Variants in CIT observed in about 807,000 individuals in gnomAD.
The protein encoded by CIT is citron Rho-interacting kinase.
In CIT, 79 loss-of-function variants were observed where a neutral mutation model predicts 272.7. That is an observed-to-expected ratio of 0.29 (90% CI 0.24 to 0.35). The LOEUF is 0.35. Among genes scored for constraint, CIT ranks in the 10% least tolerant of loss-of-function variants. CIT has a pLI of 1.00. For missense variants in CIT, 1,909 were observed against 2,618.3 expected, an observed-to-expected ratio of 0.73 and a Z score of 5.91; for synonymous variants, 948 against 995.6, an observed-to-expected ratio of 0.95 and a Z score of 0.90.
At chr12:119,827,993 C>T (rs1968308563) in intron 7 of CIT, among the ~76,000 whole-genome samples, 1 of 152,118 alleles carries the variant, frequency 6.6e-6, no homozygotes, top group African/African-American at 2.4e-5. Context: ...TGTTCACAAC[C>T]AAAGAGTTGC....
intron 2 of CIT, among the ~76,000 whole-genome samples, chr12:119,869,582 C>A (rs951358473): frequency 2.6e-5 from 4 of 152,128 alleles, no homozygotes; most frequent in Non-Finnish European, 4.4e-5. Flanking sequence ...TTCATGTGTG[C>A]CCAGGGGTTT....
At position 119,721,359 on chromosome 12, in the gene CIT, G is replaced by T. The variant is rs748973501; in HGVS notation, c.3682C>A (p.Leu1228Ile). The T allele has an allele frequency of 6.2e-7, 1 of 1,611,594 alleles. No individual in the cohort carries two copies. The highest frequency in any genetic ancestry group is 8.5e-7 in the Non-Finnish European group (1 of 1,177,912). ...GLQEALDRADLLKTERSDLEY... is the reference protein window; with the variant it reads ...GLQEALDRADILKTERSDLEY... ...AAGTCACTTCTTTCTGTCTTCAGTA[G>T]ATCAGCCCGATCTAGAGCTTCTTGC... The change falls in exon 29 of 48, where the codon CTA becomes ATA. Residue 1228 changes from leucine (L) to isoleucine (I), a missense_variant. Leu to Ile is a conservative substitution (Grantham distance 5). This residue lies in a region of CIT where 530 missense variants were observed against 822.4 expected (regional missense o/e 0.64). Transcript: ENST00000392521.
At chr12:119,750,096 T>A (rs948294957) in intron 23 of CIT, among the ~76,000 whole-genome samples, 3 of 152,254 alleles carry the variant, frequency 2.0e-5, no homozygotes, top group Non-Finnish European at 4.4e-5. Flanking sequence ...AAGGGCTTAT[T>A]AAATATGGAT....
intron 9 of CIT, among the ~76,000 whole-genome samples, chr12:119,815,388 G>A (rs996428930): frequency 1.3e-5 from 2 of 152,034 alleles, no homozygotes; most frequent in African/African-American, 2.4e-5. Flanking sequence ...TTTCAATGAT[G>A]CGGGAAAATA....
intron 19 of CIT, 144 bp from the exon 20 acceptor site, chr12:119,761,199 G>A: frequency 8.6e-6 from 6 of 701,692 alleles, no homozygotes; most frequent in African/African-American, 3.6e-5. Context: ...CAAAGAGAAG[G>A]CAAAAACTGG....
At chr12:119,704,582 G>A in intron 40 of CIT, 127 bp from the exon 41 acceptor site, 3 of 804,306 alleles carry the variant, frequency 3.7e-6, no homozygotes, top group Non-Finnish European at 4.0e-6. Flanking sequence ...TGTGGTGGGG[G>A]GAGGGCTGTC....
At position 119,839,918 on chromosome 12, in the gene CIT, G is replaced by T. The variant is rs532702744; in HGVS notation, c.517-5690C>A. On this transcript the variant is annotated intron_variant, in intron 5 of 47. Transcript: ENST00000392521. ...TACACTATTACTGAAGGGACAAAAG[G>T]AAGAAGCTATAACCAGAAACTAACT... Among the ~76,000 whole-genome samples, 4 of 152,298 alleles carry T rather than the reference G, an allele frequency of 2.6e-5. No individual in the cohort carries two copies. In the East Asian group the frequency reaches 7.7e-4, roughly 29 times the overall value.
rs1164568288 is a variant in CIT at position 119,712,982 on chromosome 12, G to A, written c.4579+221C>T. The A allele has an allele frequency of 8.4e-6, 5 of 595,046 alleles. No homozygotes were observed. The highest frequency in any genetic ancestry group is 9.1e-4 in the Middle Eastern group (2 of 2,206). The allele number at this position is 595,046 out of a possible 1,614,324, so 36.9% of individuals were successfully genotyped here. ...TTCTCGGAAGGTGTATTAGCAGGTG[G>A]AATCTTCAGGGCAGCGCCCTGCGGG... On this transcript the variant is annotated intron_variant, in intron 35 of 47. Coordinates refer to ENST00000392521, the MANE Select transcript of CIT (RefSeq NM_001206999.2). This position sits in a 1 kb window ranked among gnomAD's most constrained non-coding sequence, Gnocchi z 5.2.
intron 3 of CIT, among the ~76,000 whole-genome samples, chr12:119,860,628 T>C (rs910763079): frequency 2.6e-5 from 4 of 152,092 alleles, no homozygotes; most frequent in South Asian, 4.1e-4. Flanking sequence ...ACTTAATAAC[T>C]CTGGGCCTGT....
At chr12:119,840,963 T>C (rs1229107095) in intron 5 of CIT, among the ~76,000 whole-genome samples, 2 of 152,152 alleles carry the variant, frequency 1.3e-5, no homozygotes, top group Non-Finnish European at 2.9e-5. Flanking sequence ...AAATTGTTCC[T>C]ATATAGGAAA....
intron 22 of CIT, among the ~76,000 whole-genome samples, chr12:119,755,827 CCTT>C (rs1435138379): frequency 9.2e-5 from 14 of 152,216 alleles, no homozygotes; most frequent in Non-Finnish European, 1.9e-4. Context: ...TTCCCAGCCT[CCTT>C]ATGTTTTTGA....
chr12:119,876,180 C>A lies in CIT; in HGVS notation c.-12G>T, dbSNP rs747372703. ...TTGAACTTCAACATCTCCCCACTGG[C>A]GCTGAAAGGATATCAGAAAAGTCAA... On this transcript the variant is annotated splice_region_variant and 5_prime_UTR_variant, in exon 2 of 48. Coordinates refer to ENST00000392521, the MANE Select transcript of CIT (RefSeq NM_001206999.2). 6.2e-7 allele frequency: 1 copy of A among 1,600,362 alleles called. No individual in the cohort carries two copies.
Position 119,730,561 on chromosome 12 carries a change from A to C in CIT, c.3420T>G (p.Ala1140=), listed in dbSNP as rs1240495295. ...GAGCCTGCTGCAGAGCGAGAATCTC[A>C]GCCTTGTGCTCCTTCACTGCCAGCT... ...VVELAVKEHK[A]EILALQQALK... is the part of the protein sequence containing the mutation. The change falls in exon 27 of 48, where the codon GCT becomes GCG. Residue 1140 remains alanine (A), a synonymous_variant. Coordinates refer to ENST00000392521, the MANE Select transcript of CIT (RefSeq NM_001206999.2). The C allele has an allele frequency of 1.2e-6, 2 of 1,614,028 alleles. No homozygotes were observed.
At chr12:119,857,397 A>T in intron 4 of CIT, 126 bp downstream of exon 4, 3 of 926,006 alleles carry the variant, frequency 3.2e-6, no homozygotes, top group Admixed American at 2.7e-5. Context: ...TGCCCCAACT[A>T]TAATTAAATA....
Position 119,770,952 on chromosome 12 carries a change from C to A in CIT, c.2083-42G>T, listed in dbSNP as rs763031554. ...AATCAGAGAGTTTTAATGGAGTAACCGCTATGGGCATAACACCTGCACCGA... is the reference window on the plus strand; with the variant it reads ...AATCAGAGAGTTTTAATGGAGTAACAGCTATGGGCATAACACCTGCACCGA... On this transcript the variant is annotated intron_variant, in intron 17 of 47. Transcript: ENST00000392521. The surrounding 1 kb of genome is among the most constrained non-coding windows in gnomAD (Gnocchi z 4.4). 1.2e-6 allele frequency: 2 copies of A among 1,609,132 alleles called. No homozygotes were observed. The highest frequency in any genetic ancestry group is 4.5e-5 in the East Asian group (2 of 44,830).
intron 46 of CIT, among the ~76,000 whole-genome samples, chr12:119,692,507 A>C (rs73412167): frequency 0.012 from 1,841 of 152,342 alleles, 39 homozygotes; most frequent in African/African-American, 0.042. Context: ...GAGACTCTAG[A>C]ACAGGCTTGA....
At chr12:119,736,923 G>T (rs1181332428) in intron 24 of CIT, among the ~76,000 whole-genome samples, 1 of 152,184 alleles carries the variant, frequency 6.6e-6, no homozygotes, top group African/African-American at 2.4e-5. Context: ...TGGCTTGGAA[G>T]ATATAAAATG....
chr12:119,799,507 C>A (rs1418535876), intron 10 of CIT, among the ~76,000 whole-genome samples: 1 of 152,122 alleles, frequency 6.6e-6, no homozygotes, highest in Non-Finnish European at 1.5e-5. Context: ...TGTTTGAATG[C>A]CTGGATCCAT....
chr12:119,816,409 C>T (rs1967189260), intron 9 of CIT, among the ~76,000 whole-genome samples: 1 of 152,138 alleles, frequency 6.6e-6, no homozygotes, highest in Non-Finnish European at 1.5e-5. Flanking sequence ...CATAGGAGTC[C>T]TGAGCCAAAA....
Sources: allele counts gnomAD v4.1 joint callset (sites outside exome capture counted in the v4.1 genomes callset), GRCh38; gene constraint gnomAD v4.1.1; regional missense constraint gnomAD v4.1.1; non-coding constraint Gnocchi (gnomAD v3.1); transcripts MANE v1.5; gene names NCBI Gene and HGNC (gene_info 2026-07-23, HGNC 2026-07-21).